The following PIK3C3 variants were observed in gnomAD, a reference collection of about 807,000 sequenced individuals.
The protein encoded by PIK3C3 is PI3-kinase type 3.
In PIK3C3, 95 loss-of-function variants were observed where a neutral mutation model predicts 126.1. The ratio of observed to expected loss-of-function variants is 0.75; its 90% confidence interval spans 0.64 to 0.89. The LOEUF (loss-of-function observed/expected upper bound fraction) is 0.89. PIK3C3 is among the 40% of genes least tolerant of loss of function. PIK3C3 has a pLI of 0.00. For missense variants in PIK3C3, 829 were observed against 1,063.2 expected (o/e 0.78, Z 3.06); for synonymous variants, 374 against 360.0 (o/e 1.04, Z -0.44).
chr18:41,993,493 T>C (rs1981879864), intron 7 of PIK3C3, 152 bp downstream of exon 7: 1 of 592,604 alleles, frequency 1.7e-6, no homozygotes, highest in Admixed American at 3.1e-5. Flanking sequence ...CTAGGCACTG[T>C]TTCTGATGGA....
rs758701386 is a variant in PIK3C3, at chr18:42,082,694, ACTC to A, written c.*1560_*1562del. 1 of 151,920 alleles carries A rather than the reference ACTC, an allele frequency of 6.6e-6. No homozygotes were observed. The highest frequency in any genetic ancestry group is 1.5e-5 in the Non-Finnish European group (1 of 67,982). The allele number at this position is 151,920 out of a possible 1,614,324, so 9.4% of individuals were successfully genotyped here. ...TGAAACTGACCTTTCTTCCGTGTGA[ACTC>A]CTACACTTGCATCTCCTATTTCAGG... is the stretch of plus-strand genomic sequence containing the variant. On this transcript the variant is annotated 3_prime_UTR_variant, in exon 25 of 25. Coordinates refer to ENST00000262039, the MANE Select transcript of PIK3C3 (RefSeq NM_002647.4).
chr18:41,957,398 A>C (rs147854845), intron 1 of PIK3C3, among the ~76,000 whole-genome samples, 172 bp from the exon 2 acceptor site: 5 of 152,356 alleles, frequency 3.3e-5, no homozygotes, highest in African/African-American at 1.2e-4. Context: ...CATTAATTTC[A>C]TATACAGGAA....
intron 13 of PIK3C3, among the ~76,000 whole-genome samples, chr18:42,021,970 G>C (rs962205205): frequency 6.6e-6 from 1 of 152,142 alleles, no homozygotes; most frequent in African/African-American, 2.4e-5. Flanking sequence ...TTTGCTTTTT[G>C]TGAGAAAATT....
chr18:42,036,295 G>T (rs766924404), intron 16 of PIK3C3, among the ~76,000 whole-genome samples: 1 of 152,056 alleles, frequency 6.6e-6, no homozygotes, highest in Admixed American at 6.6e-5. Flanking sequence ...GTAGACAACC[G>T]TGTATCTACC....
Position 42,082,457 on chromosome 18 carries a change from G to C in PIK3C3, c.*1320G>C, listed in dbSNP as rs150269256. 6.6e-6 allele frequency: 1 copy of C among 152,168 alleles called. No individual in the cohort carries two copies. The allele number at this position is 152,168 out of a possible 1,614,324, so 9.4% of individuals were successfully genotyped here. On this transcript the variant is annotated 3_prime_UTR_variant, in exon 25 of 25. Transcript: ENST00000262039. Reference sequence around the variant, plus strand: ...AACATACCTGCTGATTAGAAAAATGGTAAAAATGAAAATACCTTTGTACAT... The same window carrying C: ...AACATACCTGCTGATTAGAAAAATGCTAAAAATGAAAATACCTTTGTACAT...
intron 19 of PIK3C3, 131 bp from the exon 20 acceptor site, chr18:42,043,602 G>A (rs1984424694): frequency 1.8e-6 from 1 of 556,552 alleles, no homozygotes; most frequent in Admixed American, 3.2e-5. Context: ...CTTTTGTTCA[G>A]TCAGCATCTC....
At chr18:41,970,629 T>C in intron 4 of PIK3C3, 173 bp downstream of exon 4, 1 of 665,784 alleles carries the variant, frequency 1.5e-6, no homozygotes, top group Middle Eastern at 4.1e-4. Flanking sequence ...TTGGAAAGCA[T>C]ACAGTCTGAT....
intron 10 of PIK3C3, among the ~76,000 whole-genome samples, chr18:42,008,508 T>G (rs1220589768): frequency 6.6e-6 from 1 of 152,128 alleles, no homozygotes; most frequent in African/African-American, 2.4e-5. Context: ...GAGTTATTCT[T>G]AATTCAATAA....
At chr18:41,977,048 G>T (rs1298899739) in intron 4 of PIK3C3, among the ~76,000 whole-genome samples, 2 of 152,150 alleles carry the variant, frequency 1.3e-5, no homozygotes, top group African/African-American at 2.4e-5. Flanking sequence ...ATTGAAAATA[G>T]GAGAAAAGGT....
intron 13 of PIK3C3, chr18:42,026,483 A>G (rs1174869461): frequency 6.6e-6 from 1 of 151,838 alleles, no homozygotes; most frequent in African/African-American, 2.4e-5. Flanking sequence ...TTTGAGAGAT[A>G]TCATCTCCCT....
chr18:42,001,294 C>A (rs1027804611), intron 9 of PIK3C3, among the ~76,000 whole-genome samples: 1 of 152,152 alleles, frequency 6.6e-6, no homozygotes, highest in Non-Finnish European at 1.5e-5. Context: ...TCACCACAAG[C>A]CTATGAAAAA....
At chr18:41,971,457 A>G (rs1299136472) in intron 4 of PIK3C3, 1 of 152,116 alleles carries the variant, frequency 6.6e-6, no homozygotes. Context: ...TGTTGTAGCA[A>G]CCTGATAACT....
chr18:42,020,847 C>A, intron 13 of PIK3C3, 142 bp downstream of exon 13: 1 of 563,162 alleles, frequency 1.8e-6, no homozygotes, highest in Non-Finnish European at 3.2e-6. Flanking sequence ...TAACTGTATT[C>A]CCTGACAGCT....
At chr18:42,042,347 T>G (rs1984359814) in intron 19 of PIK3C3, among the ~76,000 whole-genome samples, 1 of 152,240 alleles carries the variant, frequency 6.6e-6, no homozygotes, top group Non-Finnish European at 1.5e-5. Context: ...TTTTCCATGT[T>G]GATTCTACTG....
intron 18 of PIK3C3, among the ~76,000 whole-genome samples, chr18:42,039,953 G>A (rs1598921675): frequency 6.6e-6 from 1 of 152,046 alleles, no homozygotes; most frequent in East Asian, 1.9e-4. Flanking sequence ...TTATTCTACA[G>A]GGGTATATAA....
intron 10 of PIK3C3, among the ~76,000 whole-genome samples, chr18:42,010,732 C>T (rs1250647344): frequency 6.6e-6 from 1 of 152,124 alleles, no homozygotes; most frequent in African/African-American, 2.4e-5. Context: ...TTTTGACCTT[C>T]CCCCATGAAG....
At chr18:41,992,941 T>C (rs906417113) in intron 6 of PIK3C3, among the ~76,000 whole-genome samples, 5 of 152,062 alleles carry the variant, frequency 3.3e-5, no homozygotes, top group African/African-American at 1.2e-4. Flanking sequence ...AGTTTGAAAA[T>C]TAGCACGTTT....
At chr18:41,957,813 G>A (rs1422170864) in intron 2 of PIK3C3, 55 bp downstream of exon 2, 31 of 1,325,182 alleles carry the variant, frequency 2.3e-5, no homozygotes, top group Non-Finnish European at 3.2e-5. Context: ...CTTTCTTTAT[G>A]GATGCTGCAA....
intron 24 of PIK3C3, among the ~76,000 whole-genome samples, chr18:42,068,997 T>G (rs1379644461): frequency 3.3e-5 from 5 of 150,872 alleles, no homozygotes; most frequent in African/African-American, 1.2e-4. Flanking sequence ...CCGTTATAAC[T>G]CTTCAAATAC....
Sources: gnomAD v4.1 joint callset for allele counts (sites outside exome capture counted in the v4.1 genomes callset) on GRCh38, gnomAD v4.1.1 for gene constraint, MANE v1.5 for transcripts, NCBI Gene and HGNC (gene_info 2026-07-23, HGNC 2026-07-21) for gene names.